DNAJC8: variants seen among roughly 807,000 people sequenced by gnomAD.
The protein encoded by DNAJC8 is dnaJ homolog subfamily C member 8.
In DNAJC8, 24 loss-of-function variants were observed where a neutral mutation model predicts 43.2. The observed-to-expected ratio is 0.56, with a 90% CI of 0.40 to 0.78. The LOEUF (loss-of-function observed/expected upper bound fraction) is 0.78. Ranked by LOEUF, DNAJC8 falls within the 30% of genes least tolerant of loss-of-function variation. The pLI is 0.00. For synonymous variants in DNAJC8, 83 were observed against 98.0 expected (o/e 0.85, Z 0.90); for missense variants, 207 against 299.4 (o/e 0.69, Z 2.28).
At chr1:28,217,219 G>C (rs1456112444) in intron 2 of DNAJC8, among the ~76,000 whole-genome samples, 4 of 151,892 alleles carry the variant, frequency 2.6e-5, no homozygotes, top group African/African-American at 9.7e-5. Flanking sequence ...GCAGCCTCGA[G>C]CTCTGGGGCT....
chr1:28,209,585 C>G lies in DNAJC8; in HGVS notation c.399+387G>C, dbSNP rs34319667. Among the ~76,000 whole-genome samples the G allele has an allele frequency of 2.3e-3, 345 of 152,282 alleles. 4 individuals carry two copies. The highest frequency in any genetic ancestry group is 4.0e-3 in the Non-Finnish European group (275 of 68,034). ...ACGCCTATCCTCTTGCTAGCCTTTG[C>G]CAAGCCTTGTTGCAAACCCTTCACA... On this transcript the variant is annotated intron_variant, in intron 5 of 8. Transcript: ENST00000263697.
chr1:28,218,735 G>A (rs1000893486), intron 2 of DNAJC8, among the ~76,000 whole-genome samples: 2 of 151,862 alleles, frequency 1.3e-5, no homozygotes, highest in African/African-American at 4.8e-5. Context: ...GAGAAACCCC[G>A]TCTCTACTAA....
rs189255655 is a variant in DNAJC8, at chr1:28,230,722, C to T, written c.79-1699G>A. The stretch of plus-strand genomic sequence containing the variant: ...GAAGACAGATCATGGCTCACTGCAA[C>T]CTCCACCTCCTGGGCTCAAGTCATC... On this transcript the variant is annotated intron_variant, in intron 1 of 8. Coordinates refer to ENST00000263697, the MANE Select transcript of DNAJC8 (RefSeq NM_014280.3). Among the ~76,000 whole-genome samples the T allele has an allele frequency of 1.2e-4, 18 of 152,316 alleles. No homozygotes were observed. The East Asian group carries it at 3.1e-3, about 26-fold the overall frequency.
intron 2 of DNAJC8, among the ~76,000 whole-genome samples, chr1:28,222,141 T>C (rs1383111983): frequency 6.6e-6 from 1 of 151,636 alleles, no homozygotes; most frequent in African/African-American, 2.4e-5. Flanking sequence ...ATGAAAAGAG[T>C]TATGAGGATG....
At chr1:28,225,945 C>T (rs1021660727) in intron 2 of DNAJC8, among the ~76,000 whole-genome samples, 1 of 150,716 alleles carries the variant, frequency 6.6e-6, no homozygotes, top group Non-Finnish European at 1.5e-5. Flanking sequence ...CTAAAGTGAT[C>T]CTCCCACCTT....
In DNAJC8 at chr1:28,218,415, C is replaced by A. The variant is rs542832806; in HGVS notation, c.181-3419G>T. 1.3e-4 allele frequency among the ~76,000 whole-genome samples: 20 copies of A among 150,980 alleles called. No homozygotes were observed. In the South Asian group the frequency reaches 3.8e-3, roughly 28 times the overall value. On this transcript the variant is annotated intron_variant, in intron 2 of 8. Transcript: ENST00000263697. ...CAGCCTTAAGCAACACTTCTTTAAA[C>A]AAATAATTTTTTTTTTTTTGAGACA... is the stretch of plus-strand genomic sequence containing the variant.
At chr1:28,228,700 T>C (rs1241862601) in intron 2 of DNAJC8, among the ~76,000 whole-genome samples, 1 of 152,206 alleles carries the variant, frequency 6.6e-6, no homozygotes, top group Non-Finnish European at 1.5e-5. Flanking sequence ...TATGTATATA[T>C]TCCAAAATCC....
chr1:28,220,636 A>G (rs1318271542), intron 2 of DNAJC8, among the ~76,000 whole-genome samples: 1 of 152,104 alleles, frequency 6.6e-6, no homozygotes, highest in African/African-American at 2.4e-5. Flanking sequence ...AGACCTAATC[A>G]CCTCTTATTA....
At chr1:28,212,572 A>G (rs915942421) in intron 3 of DNAJC8, among the ~76,000 whole-genome samples, 1 of 151,920 alleles carries the variant, frequency 6.6e-6, no homozygotes, top group Non-Finnish European at 1.5e-5. Flanking sequence ...ATGAGCCACT[A>G]TGCTTGTCCA....
chr1:28,220,302 T>C (rs1167089615), intron 2 of DNAJC8, among the ~76,000 whole-genome samples: 2 of 152,240 alleles, frequency 1.3e-5, no homozygotes, highest in African/African-American at 2.4e-5. Context: ...AATGGACTTT[T>C]ACCTGCGGCC....
intron 5 of DNAJC8, 134 bp from the exon 6 acceptor site, chr1:28,208,547 G>T: frequency 2.4e-6 from 1 of 422,348 alleles, no homozygotes; most frequent in Non-Finnish European, 4.1e-6. Flanking sequence ...AAAAAAAAGA[G>T]CCCCTCCCCT....
chr1:28,228,828 T>C, intron 2 of DNAJC8, 94 bp downstream of exon 2: 1 of 993,164 alleles, frequency 1.0e-6, no homozygotes, highest in Non-Finnish European at 1.5e-6. Context: ...ATCCTAACTA[T>C]GATATAAATT....
At position 28,200,789 on chromosome 1, in the gene DNAJC8, C is replaced by T. The variant is rs760009728; in HGVS notation, c.*459G>A. On this transcript the variant is annotated 3_prime_UTR_variant, in exon 9 of 9. Transcript: ENST00000263697. Reference sequence around the variant, plus strand: ...GTGTTCCCTGTCTTATCTGGGCCTTCGAAGGGAGCACACCCAGAAGCGAGC... The same window carrying T: ...GTGTTCCCTGTCTTATCTGGGCCTTTGAAGGGAGCACACCCAGAAGCGAGC... 42 of 401,724 alleles carry T rather than the reference C, an allele frequency of 1.0e-4. No individual in the cohort carries two copies. The highest frequency in any genetic ancestry group is 1.8e-4 in the Non-Finnish European group (37 of 203,002). The allele number at this position is 401,724 out of a possible 1,614,324, so 24.9% of individuals were successfully genotyped here.
At chr1:28,221,263 C>T (rs111967501) in intron 2 of DNAJC8, among the ~76,000 whole-genome samples, 9,093 of 151,926 alleles carry the variant, frequency 0.06, 300 homozygotes, top group Middle Eastern at 0.092. Flanking sequence ...TGCTTGAACC[C>T]GGGAGGCGGA....
intron 2 of DNAJC8, among the ~76,000 whole-genome samples, chr1:28,226,219 T>G (rs932686175): frequency 7.9e-5 from 12 of 151,148 alleles, no homozygotes; most frequent in African/African-American, 2.7e-4. Context: ...AAAAACTTTT[T>G]AAAGATCTGG....
chr1:28,227,874 T>G (rs1265641400), intron 2 of DNAJC8, among the ~76,000 whole-genome samples: 1 of 152,358 alleles, frequency 6.6e-6, no homozygotes, highest in Middle Eastern at 3.4e-3. Context: ...ATGATTATTC[T>G]TGCTTTCTGT....
Position 28,224,970 on chromosome 1 carries a change from T to C in DNAJC8, c.180+3952A>G, listed in dbSNP as rs537308411. Among the ~76,000 whole-genome samples, 64 of 151,028 alleles carry C rather than the reference T, an allele frequency of 4.2e-4. 3 individuals are homozygous for C. In the South Asian group the frequency reaches 0.012, roughly 28 times the overall value. ...TGAAAATCTGAGGTAGGAGGATCAA[T>C]TGAGCCCAGAGCCCAGGAGTTCGAG... On this transcript the variant is annotated intron_variant, in intron 2 of 8. Transcript: ENST00000263697.
At position 28,232,910 on chromosome 1, in the gene DNAJC8, T is replaced by G. The variant is rs1420022068; in HGVS notation, c.78+11A>C. 2 of 1,612,466 alleles carry G rather than the reference T, an allele frequency of 1.2e-6. No individual in the cohort carries two copies. The highest frequency in any genetic ancestry group is 1.3e-5 in the African/African-American group (1 of 75,006). Reference sequence around the variant, plus strand: ...TCGCCCCGGTGCCACTACTCCTCACTCTGTGTTCACCTCACTGTAGAAGGT... The same window carrying G: ...TCGCCCCGGTGCCACTACTCCTCACGCTGTGTTCACCTCACTGTAGAAGGT... On this transcript the variant is annotated intron_variant, in intron 1 of 8. Coordinates refer to ENST00000263697, the MANE Select transcript of DNAJC8 (RefSeq NM_014280.3).
At position 28,232,461 on chromosome 1, in the gene DNAJC8, C is replaced by T. The variant is rs78140491; in HGVS notation, c.78+460G>A. On this transcript the variant is annotated intron_variant, in intron 1 of 8. Transcript: ENST00000263697. Reference sequence around the variant, plus strand: ...ATTTCACCTCCCTAAAGCTCAGGTTCGTCATCTGTAAAATGGGGGTAATAT... The same window carrying T: ...ATTTCACCTCCCTAAAGCTCAGGTTTGTCATCTGTAAAATGGGGGTAATAT... Among the ~76,000 whole-genome samples, 222 of 152,304 alleles carry T rather than the reference C, an allele frequency of 1.5e-3. 2 individuals carry two copies. The East Asian group carries it at 0.039, about 27-fold the overall frequency.
Sources: gnomAD v4.1 joint callset for allele counts (sites outside exome capture counted in the v4.1 genomes callset) on GRCh38, gnomAD v4.1.1 for gene constraint, MANE v1.5 for transcripts, NCBI Gene and HGNC (gene_info 2026-07-23, HGNC 2026-07-21) for gene names.